The following MAMDC2 variants were observed in gnomAD, a reference collection of about 807,000 sequenced individuals.
The protein encoded by MAMDC2 is MAM domain-containing protein 2.
MAMDC2 carries 57 observed loss-of-function variants against 89.8 expected under a neutral mutation model. The ratio of observed to expected loss-of-function variants is 0.63; its 90% CI spans 0.51 to 0.79. The LOEUF (loss-of-function observed/expected upper bound fraction) is 0.79, where lower values mean the gene tolerates loss of function less well. MAMDC2 is among the 30% of genes least tolerant of loss of function. The pLI, the probability that MAMDC2 is intolerant of heterozygous loss-of-function variation, is 0.00. For missense variants in MAMDC2, 800 were observed against 820.6 expected (o/e 0.97, Z 0.31); for synonymous variants, 313 against 293.4 (o/e 1.07, Z -0.68).
chr9:70,066,980 T>C (rs1436396445), intron 2 of MAMDC2, among the ~76,000 whole-genome samples: 2 of 152,136 alleles, frequency 1.3e-5, no homozygotes, highest in Non-Finnish European at 2.9e-5. Flanking sequence ...CCCAAGGAGA[T>C]TAGCAAGTAG....
chr9:70,067,580 C>G (rs1563939055), intron 2 of MAMDC2, among the ~76,000 whole-genome samples: 2 of 152,102 alleles, frequency 1.3e-5, no homozygotes, highest in African/African-American at 2.4e-5. Context: ...GTACAGTGAG[C>G]AAAAAGTAAT....
chr9:70,079,592 T>C (rs1288396261), intron 2 of MAMDC2, among the ~76,000 whole-genome samples: 1 of 152,152 alleles, frequency 6.6e-6, no homozygotes, highest in African/African-American at 2.4e-5. Context: ...TCAGCCTCCA[T>C]GAGTTATTTG....
At chr9:70,087,699 G>C (rs1164113536) in intron 2 of MAMDC2, 1 of 152,098 alleles carries the variant, frequency 6.6e-6, no homozygotes, top group Non-Finnish European at 1.5e-5. Context: ...AGGAAGGGCA[G>C]ATTTTCCAAA....
chr9:70,130,396 G>A (rs575850513), intron 6 of MAMDC2, among the ~76,000 whole-genome samples: 2 of 152,260 alleles, frequency 1.3e-5, no homozygotes, highest in South Asian at 4.2e-4. Context: ...CCTGGACTTT[G>A]TAGGCACTGA....
At chr9:70,075,944 A>G (rs1463197901) in intron 2 of MAMDC2, among the ~76,000 whole-genome samples, 2 of 152,234 alleles carry the variant, frequency 1.3e-5, no homozygotes, top group Non-Finnish European at 2.9e-5. Context: ...GATATGTAAC[A>G]GTGTCCCTGG....
At chr9:70,104,514 C>T (rs1828281175) in intron 2 of MAMDC2, among the ~76,000 whole-genome samples, 1 of 152,012 alleles carries the variant, frequency 6.6e-6, no homozygotes, top group South Asian at 2.1e-4. Context: ...CAGGATTATT[C>T]ATAATAGTCA....
intron 9 of MAMDC2, chr9:70,153,760 T>C (rs7853930): frequency 2.8e-4 from 43 of 152,334 alleles, no homozygotes; most frequent in African/African-American, 1.0e-3. Context: ...TTTATGTATT[T>C]GGGAGAAAGC....
intron 9 of MAMDC2, chr9:70,153,819 T>C (rs970594418): frequency 6.6e-6 from 1 of 152,148 alleles, no homozygotes; most frequent in Non-Finnish European, 1.5e-5. Flanking sequence ...TTTTTTTCAC[T>C]AGGTGAGAAT....
intron 11 of MAMDC2, among the ~76,000 whole-genome samples, chr9:70,206,552 T>A (rs1258113986): frequency 2.6e-5 from 4 of 152,164 alleles, no homozygotes; most frequent in Non-Finnish European, 5.9e-5. Context: ...TCGATGTTAC[T>A]CCTCTCTTCC....
At chr9:70,168,853 A>G in intron 10 of MAMDC2, 58 bp downstream of exon 10, 2 of 1,341,628 alleles carry the variant, frequency 1.5e-6, no homozygotes, top group East Asian at 2.3e-5. Flanking sequence ...CATTTCCTGT[A>G]TCGCTGAGAA....
At chr9:70,190,876 TA>T (rs1563993270) in intron 11 of MAMDC2, among the ~76,000 whole-genome samples, 1 of 152,180 alleles carries the variant, frequency 6.6e-6, no homozygotes, top group East Asian at 1.9e-4. Flanking sequence ...CAGAAGCTGC[TA>T]AACAGGTTAA....
At chr9:70,196,758 G>A (rs1436974459) in intron 11 of MAMDC2, among the ~76,000 whole-genome samples, 3 of 152,028 alleles carry the variant, frequency 2.0e-5, no homozygotes, top group South Asian at 2.1e-4. Context: ...ATAAAACATG[G>A]AACGACAGAT....
chr9:70,094,939 G>A (rs1041818361), intron 2 of MAMDC2, among the ~76,000 whole-genome samples: 2 of 152,208 alleles, frequency 1.3e-5, no homozygotes, highest in African/African-American at 2.4e-5. Flanking sequence ...TGTATAGGTT[G>A]CACACTGCAC....
chr9:70,205,922 G>A (rs73450801), intron 11 of MAMDC2, among the ~76,000 whole-genome samples: 1 of 152,184 alleles, frequency 6.6e-6, no homozygotes, highest in African/African-American at 2.4e-5. Context: ...GTGAGGCAGA[G>A]TGGCTCTGCG....
chr9:70,105,545 G>A (rs1828317512), intron 2 of MAMDC2, among the ~76,000 whole-genome samples: 1 of 152,050 alleles, frequency 6.6e-6, no homozygotes, highest in African/African-American at 2.4e-5. Flanking sequence ...ACGTTCACAT[G>A]GCGTGACCTA....
At chr9:70,073,274 A>C (rs958623970) in intron 2 of MAMDC2, among the ~76,000 whole-genome samples, 1 of 152,270 alleles carries the variant, frequency 6.6e-6, no homozygotes, top group African/African-American at 2.4e-5. Flanking sequence ...GAAGGCTTTC[A>C]CTTCTGATAA....
Position 70,202,545 on chromosome 9 carries a change from G to A in MAMDC2, c.1652-15792G>A, listed in dbSNP as rs559408027. Among the ~76,000 whole-genome samples, 658 of 150,580 alleles carry A rather than the reference G, an allele frequency of 4.4e-3. 2 individuals are homozygous for A. The highest frequency in any genetic ancestry group is 0.017 in the South Asian group (77 of 4,666). On this transcript the variant is annotated intron_variant, in intron 11 of 13. Transcript: ENST00000377182. ...ATGTATATTCTGTTGATTTGGGGTG[G>A]AGAGTTCTGTAGATGTCTATTAGGT...
At chr9:70,114,549 T>C (rs1157042446) in intron 5 of MAMDC2, among the ~76,000 whole-genome samples, 1 of 152,170 alleles carries the variant, frequency 6.6e-6, no homozygotes, top group Non-Finnish European at 1.5e-5. Flanking sequence ...TCTTTTACAA[T>C]ACATTCAGGC....
intron 2 of MAMDC2, chr9:70,083,046 G>A (rs566001223): frequency 1.3e-5 from 2 of 152,232 alleles, no homozygotes; most frequent in East Asian, 1.9e-4. Context: ...CATGTTTAGC[G>A]CCTAGCATCT....
Sources: allele counts gnomAD v4.1 joint callset (sites outside exome capture counted in the v4.1 genomes callset), GRCh38; gene constraint gnomAD v4.1.1; transcripts MANE v1.5; gene names NCBI Gene and HGNC (gene_info 2026-07-23, HGNC 2026-07-21).